SLC2A13: variants seen among roughly 807,000 people sequenced by gnomAD.
The protein encoded by SLC2A13 is proton myo-inositol cotransporter.
SLC2A13 carries 32 observed loss-of-function variants against 64.4 expected under a neutral mutation model. The observed-to-expected ratio is 0.50, with a 90% confidence interval of 0.37 to 0.67. The LOEUF is 0.67. Among genes scored for constraint, SLC2A13 ranks in the 30% least tolerant of loss-of-function variants. The probability of loss-of-function intolerance (pLI) is 0.00; values close to 1 mark genes in which losing one functional copy is unlikely to be tolerated. For synonymous variants in SLC2A13, 338 were observed against 327.1 expected (o/e 1.03, Z -0.36); for missense variants, 743 against 829.2 (o/e 0.90, Z 1.28).
intron 1 of SLC2A13, among the ~76,000 whole-genome samples, chr12:40,078,255 T>C (rs1938257345): frequency 6.6e-6 from 1 of 152,202 alleles, no homozygotes; most frequent in Non-Finnish European, 1.5e-5. Flanking sequence ...ATTCCAGGTT[T>C]TACCCATTCG....
intron 7 of SLC2A13, among the ~76,000 whole-genome samples, chr12:39,790,151 G>T (rs1472631511): frequency 1.6e-4 from 24 of 146,694 alleles, no homozygotes; most frequent in Middle Eastern, 3.6e-3. Flanking sequence ...ACAGACTAAG[G>T]TTAATTTATC....
At chr12:39,959,973 C>A (rs749578371) in intron 3 of SLC2A13, among the ~76,000 whole-genome samples, 1 of 152,148 alleles carries the variant, frequency 6.6e-6, no homozygotes, top group Non-Finnish European at 1.5e-5. Flanking sequence ...GATGCTCTCC[C>A]TTCACCTGGC....
At chr12:40,051,501 T>G (rs961011133) in intron 1 of SLC2A13, among the ~76,000 whole-genome samples, 2 of 152,008 alleles carry the variant, frequency 1.3e-5, no homozygotes, top group East Asian at 3.9e-4. Flanking sequence ...TCGTGGAGCT[T>G]AGGGTCTGCT....
chr12:39,808,936 ATT>A (rs140357020), intron 7 of SLC2A13, among the ~76,000 whole-genome samples: 1,919 of 151,840 alleles, frequency 0.013, 30 homozygotes, highest in African/African-American at 0.044. Context: ...CAATATATCA[ATT>A]TTTTCTTTTG....
chr12:39,858,204 T>C (rs73274667), intron 6 of SLC2A13, among the ~76,000 whole-genome samples: 3,060 of 152,338 alleles, frequency 0.02, 115 homozygotes, highest in African/African-American at 0.07. Flanking sequence ...GCAAAAGATA[T>C]GTGCAGTTAT....
At chr12:40,092,764 A>G (rs1344845567) in intron 1 of SLC2A13, among the ~76,000 whole-genome samples, 1 of 152,222 alleles carries the variant, frequency 6.6e-6, no homozygotes, top group African/African-American at 2.4e-5. Context: ...CTAAAGTTTG[A>G]AAACTTGAGT....
chr12:40,057,956 T>C (rs17489309), intron 1 of SLC2A13, among the ~76,000 whole-genome samples: 3,889 of 152,096 alleles, frequency 0.026, 168 homozygotes, highest in African/African-American at 0.088. Flanking sequence ...CCAACGGATA[T>C]TATCTTCATC....
intron 1 of SLC2A13, among the ~76,000 whole-genome samples, chr12:40,079,411 A>G (rs1465443758): frequency 6.6e-6 from 1 of 152,210 alleles, no homozygotes; most frequent in Non-Finnish European, 1.5e-5. Flanking sequence ...AAGTAATTGT[A>G]CAGTTTGGGG....
intron 4 of SLC2A13, among the ~76,000 whole-genome samples, chr12:39,911,973 T>G (rs1217936356): frequency 6.6e-6 from 1 of 151,986 alleles, no homozygotes; most frequent in African/African-American, 2.4e-5. Context: ...TCAGGGCTGA[T>G]TCTGACACTT....
At chr12:39,974,274 C>T (rs898868867) in intron 3 of SLC2A13, among the ~76,000 whole-genome samples, 1 of 152,196 alleles carries the variant, frequency 6.6e-6, no homozygotes, top group Non-Finnish European at 1.5e-5. Context: ...AACTCTTCCT[C>T]TTGACCAGTG....
intron 3 of SLC2A13, among the ~76,000 whole-genome samples, chr12:39,979,382 G>A (rs1311975760): frequency 4.8e-5 from 7 of 146,856 alleles, no homozygotes; most frequent in East Asian, 2.0e-4. Flanking sequence ...TCTGAGCTAC[G>A]GGAGGACATT....
chr12:40,067,808 A>G (rs1191933986), intron 1 of SLC2A13, among the ~76,000 whole-genome samples: 1 of 152,228 alleles, frequency 6.6e-6, no homozygotes, highest in Non-Finnish European at 1.5e-5. Flanking sequence ...GTCAAAGAAT[A>G]TTCAGCATAA....
intron 7 of SLC2A13, among the ~76,000 whole-genome samples, chr12:39,828,431 A>G (rs1364338243): frequency 1.3e-5 from 2 of 152,042 alleles, no homozygotes; most frequent in Non-Finnish European, 2.9e-5. Context: ...TGTAAGAGTG[A>G]GTTGTTGAAT....
chr12:40,038,601 T>G (rs895430857), intron 2 of SLC2A13, among the ~76,000 whole-genome samples: 1 of 151,716 alleles, frequency 6.6e-6, no homozygotes, highest in Non-Finnish European at 1.5e-5. Context: ...CATGGTGGCA[T>G]GTACTTCTAG....
intron 4 of SLC2A13, among the ~76,000 whole-genome samples, chr12:39,895,979 T>A (rs1180929775): frequency 6.9e-6 from 1 of 144,688 alleles, no homozygotes; most frequent in Non-Finnish European, 1.5e-5. Context: ...TGTATATGTA[T>A]ACATACATTC....
chr12:39,996,781 T>A (rs1272532582), intron 3 of SLC2A13, among the ~76,000 whole-genome samples: 1 of 152,152 alleles, frequency 6.6e-6, no homozygotes, highest in East Asian at 1.9e-4. Context: ...TTTGGCCTTT[T>A]ACAATAGCTG....
chr12:39,800,112 A>G (rs536983219), intron 7 of SLC2A13, among the ~76,000 whole-genome samples: 1 of 152,238 alleles, frequency 6.6e-6, no homozygotes, highest in Non-Finnish European at 1.5e-5. Context: ...ATAAAAAATC[A>G]GGGCAACTCT....
At chr12:39,899,428 C>A (rs1176821443) in intron 4 of SLC2A13, among the ~76,000 whole-genome samples, 2 of 152,134 alleles carry the variant, frequency 1.3e-5, no homozygotes, top group Non-Finnish European at 2.9e-5. Context: ...TTTCAAAAAA[C>A]CAGCTCCTGG....
intron 3 of SLC2A13, among the ~76,000 whole-genome samples, chr12:39,979,172 T>C (rs1946836462): frequency 1.4e-5 from 2 of 144,274 alleles, no homozygotes; most frequent in African/African-American, 5.1e-5. Flanking sequence ...AACCCATCTG[T>C]ACATCACCAT....
Sources: allele counts gnomAD v4.1 joint callset (sites outside exome capture counted in the v4.1 genomes callset), GRCh38; gene constraint gnomAD v4.1.1; transcripts MANE v1.5; gene names NCBI Gene and HGNC (gene_info 2026-07-23, HGNC 2026-07-21).